Variants in KIF3C observed in about 807,000 individuals in gnomAD.
KIF3C encodes the protein kinesin-like protein KIF3C.
In KIF3C, 12 loss-of-function variants were observed where a neutral mutation model predicts 67.7. That is an observed-to-expected ratio of 0.18 (90% CI 0.11 to 0.29). KIF3C has a LOEUF of 0.29. Among genes scored for constraint, KIF3C ranks in the 10% least tolerant of loss-of-function variants. The pLI is 1.00. For missense variants in KIF3C, 789 were observed against 1,059.6 expected (o/e 0.74, Z 3.55); for synonymous variants, 393 against 426.2 (o/e 0.92, Z 0.96).
intron 1 of KIF3C, among the ~76,000 whole-genome samples, chr2:25,962,507 T>G (rs1393729231): frequency 6.6e-6 from 1 of 151,328 alleles, no homozygotes; most frequent in Non-Finnish European, 1.5e-5. Flanking sequence ...GCCTTCCAAG[T>G]AGCTGGGATT....
chr2:25,957,884 T>C (rs1042486254), intron 1 of KIF3C, among the ~76,000 whole-genome samples: 3 of 150,852 alleles, frequency 2.0e-5, no homozygotes, highest in Non-Finnish European at 3.0e-5. Context: ...AGGCTGTCCA[T>C]GCTGCCACAC....
Position 25,981,387 on chromosome 2 carries a change from G to T in KIF3C, c.531C>A (p.Ile177=). The part of the protein sequence containing the change: ...LKENPETGVY[I]KDLSSFVTKN... ...TGGTGACGAAGGAGGAGAGGTCCTT[G>T]ATGTAGACGCCAGTCTCGGGGTTCT... is the stretch of plus-strand genomic sequence containing the variant. Residue 177 remains isoleucine (I), a synonymous_variant, in exon 1 of 8, where the codon ATC becomes ATA. Coordinates refer to ENST00000264712, the MANE Select transcript of KIF3C (RefSeq NM_002254.8). The surrounding 1 kb of genome is among the most constrained non-coding windows in gnomAD (Gnocchi z 8.2). The T allele has an allele frequency of 6.2e-7, 1 of 1,614,210 alleles. No individual in the cohort carries two copies. Among genetic ancestry groups the T allele is most frequent in the Non-Finnish European group, 8.5e-7 (1 of 1,180,042 alleles).
intron 1 of KIF3C, among the ~76,000 whole-genome samples, chr2:25,970,528 T>C (rs1664252034): frequency 6.6e-6 from 1 of 151,366 alleles, no homozygotes; most frequent in South Asian, 2.1e-4. Context: ...ATTAGCCAGG[T>C]GTGGTGGTGG....
intron 6 of KIF3C, 66 bp downstream of exon 6, chr2:25,929,889 T>C: frequency 9.0e-7 from 1 of 1,112,250 alleles, no homozygotes; most frequent in Non-Finnish European, 1.4e-6. Context: ...GTGCTGGGAT[T>C]ACAGGTGTGA....
Position 25,982,356 on chromosome 2 carries a change from G to A in KIF3C, c.-439C>T. On this transcript the variant is annotated 5_prime_UTR_variant, in exon 1 of 8. Transcript: ENST00000264712. Reference sequence around the variant, plus strand: ...TGGGCTGCCGGTCGTGGGCGGCCGGGGGTCCCGGGCCTCCCGAGGGCAGAG... The same window carrying A: ...TGGGCTGCCGGTCGTGGGCGGCCGGAGGTCCCGGGCCTCCCGAGGGCAGAG... 2.5e-6 allele frequency: 1 copy of A among 399,046 alleles called. No individual in the cohort carries two copies. Among genetic ancestry groups the A allele is most frequent in the Non-Finnish European group, 4.4e-6 (1 of 226,398 alleles). 24.7% of individuals were successfully genotyped at this position (399,046 alleles called of 1,614,324 possible).
intron 5 of KIF3C, among the ~76,000 whole-genome samples, chr2:25,939,001 TCTCC>T (rs1663215948): frequency 6.6e-6 from 1 of 151,810 alleles, no homozygotes; most frequent in Non-Finnish European, 1.5e-5. Flanking sequence ...TCCTTCCTGC[TCTCC>T]CTCTCTCCCT....
In KIF3C at chr2:25,929,940, CTCT is replaced by C. The variant is rs1220453220; in HGVS notation, c.2115+12_2115+14del. ...CTCCCTCCCGTAGGCTCTTTCTCCC[CTCT>C]CCGCTTCTTACCCTGTACCTGGGGT... On this transcript the variant is annotated intron_variant, in intron 6 of 7. Transcript: ENST00000264712. 2.1e-5 allele frequency: 33 copies of C among 1,582,526 alleles called. No homozygotes were observed. The highest frequency in any genetic ancestry group is 2.9e-5 in the Non-Finnish European group (33 of 1,151,382).
At chr2:25,933,494 G>A (rs986423720) in intron 5 of KIF3C, among the ~76,000 whole-genome samples, 9 of 151,656 alleles carry the variant, frequency 5.9e-5, no homozygotes, top group Non-Finnish European at 1.3e-4. Flanking sequence ...AACATAGCAA[G>A]ACCCTGTCTC....
chr2:25,981,893 C>T lies in KIF3C; in HGVS notation c.25G>A (p.Glu9Lys). 1 of 1,568,504 alleles carries T rather than the reference C, an allele frequency of 6.4e-7. No homozygotes were observed. Among genetic ancestry groups the T allele is most frequent in the Non-Finnish European group, 8.6e-7 (1 of 1,159,208 alleles). The change falls in exon 1 of 8, where the codon GAG becomes AAG. Residue 9 changes from glutamate (E) to lysine (K), a missense_variant. Glu to Lys is a moderately conservative substitution (Grantham distance 56, BLOSUM62 1). Transcript: ENST00000264712. This position sits in a 1 kb window ranked among gnomAD's most constrained non-coding sequence, Gnocchi z 8.2. The stretch of plus-strand genomic sequence containing the variant: ...CACCGGGCCACCACCTTGAGGGCCT[C>T]GCTGGCCTTGGTCTTACTGGCCATC... MASKTKASEALKVVARCRP... is the reference protein window; with the variant it reads MASKTKASKALKVVARCRP...
At chr2:25,964,365 C>T (rs903662326) in intron 1 of KIF3C, among the ~76,000 whole-genome samples, 5 of 151,986 alleles carry the variant, frequency 3.3e-5, no homozygotes, top group Non-Finnish European at 7.4e-5. Context: ...CGAGCCTCTG[C>T]ATTCATTTTA....
intron 4 of KIF3C, among the ~76,000 whole-genome samples, chr2:25,953,680 T>G (rs1489554402): frequency 3.6e-5 from 5 of 138,708 alleles, no homozygotes; most frequent in Non-Finnish European, 6.2e-5. Flanking sequence ...TTGTTTTTTT[T>G]TTTTTTTTGA....
At chr2:25,972,905 T>C (rs936216960) in intron 1 of KIF3C, among the ~76,000 whole-genome samples, 3 of 152,040 alleles carry the variant, frequency 2.0e-5, no homozygotes, top group East Asian at 3.9e-4. Context: ...TCCTATTATC[T>C]CTCTCTTTCT....
At chr2:25,934,888 G>C (rs1214566343) in intron 5 of KIF3C, among the ~76,000 whole-genome samples, 3 of 150,660 alleles carry the variant, frequency 2.0e-5, no homozygotes, top group Non-Finnish European at 4.4e-5. Flanking sequence ...TTGTGCCAAT[G>C]AATAGTCACT....
chr2:25,980,227 T>C lies in KIF3C; in HGVS notation c.1545+146A>G, dbSNP rs983058968. 2.9e-6 allele frequency: 2 copies of C among 685,856 alleles called. No homozygotes were observed. The highest frequency in any genetic ancestry group is 1.8e-5 in the African/African-American group (1 of 55,446). 42.5% of individuals were successfully genotyped at this position (685,856 alleles called of 1,614,324 possible). On this transcript the variant is annotated intron_variant, in intron 1 of 7. Transcript: ENST00000264712. This position sits in a 1 kb window ranked among gnomAD's most constrained non-coding sequence, Gnocchi z 7.6. ...ATCACAGCAATTTGCCTGGCTGCTC[T>C]GGGGGCACATTTGGCAGGAGGGCAG...
intron 5 of KIF3C, among the ~76,000 whole-genome samples, chr2:25,933,645 A>G (rs1263222454): frequency 6.6e-6 from 1 of 152,010 alleles, no homozygotes; most frequent in African/African-American, 2.4e-5. Flanking sequence ...ACTGCACTCC[A>G]GCCTGGGTGA....
At position 25,951,965 on chromosome 2, in the gene KIF3C, T is replaced by G. The variant is rs564366385; in HGVS notation, c.1890-60A>C. On this transcript the variant is annotated intron_variant, in intron 4 of 7. Coordinates refer to ENST00000264712, the MANE Select transcript of KIF3C (RefSeq NM_002254.8). The stretch of plus-strand genomic sequence containing the variant: ...GGTGAGCGAGAGACCACGTGGTGCA[T>G]GTGAGGGTTGAAGGATTAGAAGCAA... 6 of 1,151,380 alleles carry G rather than the reference T, an allele frequency of 5.2e-6. No individual in the cohort carries two copies. In the African/African-American group the frequency reaches 7.6e-5, roughly 15 times the overall value. The allele number at this position is 1,151,380 out of a possible 1,614,324, so 71.3% of individuals were successfully genotyped here. A position where few individuals can be genotyped will look rare whatever the true frequency, so the allele number is the denominator to read the frequency against.
rs1277813602 is a variant in KIF3C at position 25,980,199 on chromosome 2, G to A, written c.1545+174C>T. 6.6e-6 allele frequency among the ~76,000 whole-genome samples: 1 copy of A among 152,162 alleles called. No homozygotes were observed. Among genetic ancestry groups the A allele is most frequent in the Non-Finnish European group, 1.5e-5 (1 of 68,030 alleles). On this transcript the variant is annotated intron_variant, in intron 1 of 7. Transcript: ENST00000264712. The surrounding 1 kb of genome is among the most constrained non-coding windows in gnomAD (Gnocchi z 7.6). ...TGCCTGTGCATGTACCTGGCAGCCCGGTATCACAGCAATTTGCCTGGCTGC... is the reference window on the plus strand; with the variant it reads ...TGCCTGTGCATGTACCTGGCAGCCCAGTATCACAGCAATTTGCCTGGCTGC...
At chr2:25,938,842 G>T in intron 5 of KIF3C, among the ~76,000 whole-genome samples, 1 of 151,974 alleles carries the variant, frequency 6.6e-6, no homozygotes, top group East Asian at 1.9e-4. Context: ...CATCTGACGC[G>T]TTCTCCTAGG....
In KIF3C at chr2:25,980,334, G is replaced by C. The variant is rs772279061; in HGVS notation, c.1545+39C>G. On this transcript the variant is annotated intron_variant, in intron 1 of 7. Transcript: ENST00000264712. The surrounding 1 kb of genome is among the most constrained non-coding windows in gnomAD (Gnocchi z 7.6). ...GAGCCTCCTTGCCGGGATCCCCTGCGGGGACATCTCGAGTGCCCAGCTCCT... is the reference window on the plus strand; with the variant it reads ...GAGCCTCCTTGCCGGGATCCCCTGCCGGGACATCTCGAGTGCCCAGCTCCT... The C allele has an allele frequency of 3.0e-5, 46 of 1,527,454 alleles. No homozygotes were observed. The highest frequency in any genetic ancestry group is 2.8e-4 in the African/African-American group (20 of 72,716). The allele number at this position is 1,527,454 out of a possible 1,614,324, so 94.6% of individuals were successfully genotyped here.
Sources: allele counts gnomAD v4.1 joint callset (sites outside exome capture counted in the v4.1 genomes callset), GRCh38; gene constraint gnomAD v4.1.1; non-coding constraint Gnocchi (gnomAD v3.1); transcripts MANE v1.5; gene names NCBI Gene and HGNC (gene_info 2026-07-23, HGNC 2026-07-21).